Variants in CALN1 observed in about 807,000 individuals in gnomAD.
The protein encoded by CALN1 is calneuron 1.
A neutral mutation model predicts 30.6 loss-of-function variants in CALN1; 17 were observed. The observed-to-expected ratio is 0.56, with a 90% CI of 0.38 to 0.83. CALN1 has a LOEUF of 0.83. CALN1 is among the 40% of genes least tolerant of loss of function. The probability of loss-of-function intolerance (pLI) is 0.00; values close to 1 mark genes in which losing one functional copy is unlikely to be tolerated. For synonymous variants in CALN1, 156 were observed against 131.4 expected (o/e 1.19, Z -1.28); for missense variants, 291 against 354.9 (o/e 0.82, Z 1.45).
chr7:71,817,855 T>C (rs1252433989), intron 5 of CALN1, among the ~76,000 whole-genome samples: 1 of 151,996 alleles, frequency 6.6e-6, no homozygotes, highest in Non-Finnish European at 1.5e-5. Context: ...CTTATAATTA[T>C]AATCTTTTTC....
At chr7:71,982,551 G>A (rs899278894) in intron 5 of CALN1, among the ~76,000 whole-genome samples, 18 of 152,260 alleles carry the variant, frequency 1.2e-4, no homozygotes, top group African/African-American at 3.8e-4. Context: ...TCAAGATCAC[G>A]CCATTGCACT....
At chr7:72,060,584 T>C (rs1157964307) in intron 4 of CALN1, among the ~76,000 whole-genome samples, 1 of 152,150 alleles carries the variant, frequency 6.6e-6, no homozygotes, top group African/African-American at 2.4e-5. Context: ...GTGAGATGGT[T>C]TGGATATTTG....
At chr7:72,459,095 G>T in the CALN1 span, among the ~76,000 whole-genome samples, 1 of 136,176 alleles carries the variant, frequency 7.3e-6, no homozygotes, top group Non-Finnish European at 1.6e-5. Flanking sequence ...TATGAGACGG[G>T]GTTTCACCAT....
chr7:71,840,193 T>A lies in CALN1; in HGVS notation c.502-29701A>T, dbSNP rs192883361. 3.5e-3 allele frequency among the ~76,000 whole-genome samples: 518 copies of A among 149,428 alleles called. 8 individuals are homozygous for A. The highest frequency in any genetic ancestry group is 0.012 in the African/African-American group (486 of 41,496). On this transcript the variant is annotated intron_variant, in intron 5 of 6. Coordinates refer to ENST00000395275, the MANE Select transcript of CALN1 (RefSeq NM_031468.4). ...ACAGAAGCAAACAGGCAAGGGGCAG[T>A]GGCTCACACCTGTAATCCCAACACT...
chr7:71,919,007 T>A (rs1794811801), intron 5 of CALN1, among the ~76,000 whole-genome samples: 1 of 152,200 alleles, frequency 6.6e-6, no homozygotes, highest in African/African-American at 2.4e-5. Flanking sequence ...TTTTCATCTT[T>A]ATGTCCCTTA....
At chr7:71,965,184 C>A (rs1473013606) in intron 5 of CALN1, among the ~76,000 whole-genome samples, 1 of 151,988 alleles carries the variant, frequency 6.6e-6, no homozygotes, top group Non-Finnish European at 1.5e-5. Context: ...CATGTCACCC[C>A]ACCCAGCTAA....
chr7:72,404,376 C>T (rs1443491509), intron 1 of CALN1, among the ~76,000 whole-genome samples: 3 of 152,154 alleles, frequency 2.0e-5, no homozygotes, highest in African/African-American at 7.2e-5. Flanking sequence ...CACAGTTAAT[C>T]AATGTCAGTT....
chr7:72,347,004 A>T (rs1170319753), intron 2 of CALN1, among the ~76,000 whole-genome samples: 4 of 152,148 alleles, frequency 2.6e-5, no homozygotes, highest in Non-Finnish European at 5.9e-5. Flanking sequence ...GAGAAAAGAG[A>T]GTAAGAGAGG....
intron 5 of CALN1, among the ~76,000 whole-genome samples, chr7:71,859,286 C>T (rs1262453927): frequency 2.0e-5 from 3 of 152,146 alleles, no homozygotes; most frequent in Non-Finnish European, 4.4e-5. Context: ...TGGACTCCAA[C>T]TCCTGACCTC....
chr7:72,303,249 G>A (rs1304966614), intron 2 of CALN1, among the ~76,000 whole-genome samples: 1 of 152,116 alleles, frequency 6.6e-6, no homozygotes, highest in African/African-American at 2.4e-5. Context: ...ACCACAGTGG[G>A]GGCAGGTGTT....
intron 5 of CALN1, among the ~76,000 whole-genome samples, chr7:71,936,720 T>C (rs1028110415): frequency 6.6e-6 from 1 of 152,132 alleles, no homozygotes; most frequent in Admixed American, 6.5e-5. Context: ...CAAACTCCAT[T>C]AGTCATATGG....
chr7:72,374,848 C>G (rs1804458225), intron 2 of CALN1, among the ~76,000 whole-genome samples: 1 of 152,116 alleles, frequency 6.6e-6, no homozygotes, highest in South Asian at 2.1e-4. Flanking sequence ...CAAATGAAAA[C>G]CTGTAAATAG....
rs1391271369 is a variant in CALN1, at chr7:72,205,550, A to AT, written c.244+73135_244+73136insA. Among the ~76,000 whole-genome samples, 11 of 104,950 alleles carry AT rather than the reference A, an allele frequency of 1.0e-4. 2 individuals carry two copies. Among genetic ancestry groups the AT allele is most frequent in the Admixed American group, 4.9e-4 (5 of 10,126 alleles). The allele number at this position is 104,950 out of a possible 152,430, so 68.9% of individuals were successfully genotyped here. On this transcript the variant is annotated intron_variant, in intron 3 of 6. Transcript: ENST00000395275. ...TATTTTTCTCCTGATTGCAAAAAAA[A>AT]AATATATATATATATATGTATATAT...
chr7:72,023,589 T>G (rs1800855629), intron 5 of CALN1, 68 bp downstream of exon 5: 1 of 1,156,394 alleles, frequency 8.6e-7, no homozygotes, highest in Non-Finnish European at 1.3e-6. Context: ...GTTCAAGAAT[T>G]CAGTCAAAAG....
chr7:72,387,939 G>A (rs1048156205), intron 2 of CALN1, among the ~76,000 whole-genome samples: 7 of 152,128 alleles, frequency 4.6e-5, no homozygotes, highest in South Asian at 4.1e-4. Flanking sequence ...AGTGAGATGA[G>A]AGGAATAAGT....
At chr7:72,461,785 A>G in the CALN1 span, among the ~76,000 whole-genome samples, 1 of 152,210 alleles carries the variant, frequency 6.6e-6, no homozygotes, top group Admixed American at 6.5e-5. Context: ...AGGTGGGTGG[A>G]TCACCTGAAG....
intron 6 of CALN1, among the ~76,000 whole-genome samples, chr7:71,788,447 G>C (rs144882658): frequency 1.7e-4 from 25 of 149,136 alleles, no homozygotes; most frequent in African/African-American, 5.7e-4. Flanking sequence ...CAGTGGGGTC[G>C]TTGGACAAGC....
the CALN1 span, among the ~76,000 whole-genome samples, chr7:72,501,011 A>G: frequency 6.6e-6 from 1 of 152,268 alleles, no homozygotes; most frequent in South Asian, 2.1e-4. Flanking sequence ...AATAAAACTC[A>G]TTAATTAATA....
intron 1 of CALN1, among the ~76,000 whole-genome samples, chr7:72,408,708 ACT>A (rs1806884281): frequency 4.0e-5 from 3 of 74,752 alleles, no homozygotes; most frequent in African/African-American, 5.3e-5. Context: ...ACAGGGTTGC[ACT>A]CTGTCACCCA....
Sources: allele counts gnomAD v4.1 joint callset (sites outside exome capture counted in the v4.1 genomes callset), GRCh38; gene constraint gnomAD v4.1.1; transcripts MANE v1.5; gene names NCBI Gene and HGNC (gene_info 2026-07-23, HGNC 2026-07-21).